KCNQ4: variants seen among roughly 807,000 people sequenced by gnomAD.
KCNQ4 encodes potassium voltage-gated channel subfamily Q member 4.
A neutral mutation model predicts 72.6 loss-of-function variants in KCNQ4; 31 were observed. The ratio of observed to expected loss-of-function variants is 0.43; its 90% CI spans 0.32 to 0.58. The LOEUF is 0.58. Ranked by LOEUF, KCNQ4 falls within the 20% of genes least tolerant of loss-of-function variation. The probability of loss-of-function intolerance (pLI) is 0.08; values close to 1 mark genes in which losing one functional copy is unlikely to be tolerated. For missense variants in KCNQ4, 869 were observed against 962.6 expected, an observed-to-expected ratio of 0.90 and a Z score of 1.29; for synonymous variants, 405 against 403.7, an observed-to-expected ratio of 1.00 and a Z score of -0.04.
At chr1:40,822,273 C>T (rs370579268) in intron 7 of KCNQ4, 41 bp from the exon 8 acceptor site, 63 of 1,493,120 alleles carry the variant, frequency 4.2e-5, no homozygotes, top group Middle Eastern at 3.4e-4. Flanking sequence ...GACTGAGAGG[C>T]CTCACTGATG....
At chr1:40,838,274 T>C (rs1408971254) in intron 13 of KCNQ4, 37 bp from the exon 14 acceptor site, 1 of 1,591,202 alleles carries the variant, frequency 6.3e-7, no homozygotes, top group East Asian at 2.2e-5. Context: ...TCCCCTCCGG[T>C]CCCAGGCCCT....
rs982789748 is a variant in KCNQ4, at chr1:40,813,171, T to G, written c.315-4094T>G. On this transcript the variant is annotated intron_variant, in intron 1 of 13. Transcript: ENST00000347132. ...GAGGCGGGGGTGGAGGCACAGACCT[T>G]GCAGGGCCTTGTTGTCAGTGCCGAG... 1.6e-4 allele frequency among the ~76,000 whole-genome samples: 25 copies of G among 152,180 alleles called. 1 individual carries two copies. Among genetic ancestry groups the G allele is most frequent in the Admixed American group, 1.6e-3 (25 of 15,280 alleles).
intron 1 of KCNQ4, among the ~76,000 whole-genome samples, chr1:40,800,159 G>T (rs1647533061): frequency 6.6e-6 from 1 of 152,158 alleles, no homozygotes; most frequent in Non-Finnish European, 1.5e-5. Context: ...CTCAAGGACG[G>T]CTGTTTGTAG....
At chr1:40,815,750 G>A (rs888213951) in intron 1 of KCNQ4, among the ~76,000 whole-genome samples, 1 of 152,134 alleles carries the variant, frequency 6.6e-6, no homozygotes, top group Non-Finnish European at 1.5e-5. Context: ...AGGTGTAAGT[G>A]AGCCAGGGCA....
chr1:40,784,960 G>A lies in KCNQ4; in HGVS notation c.314+553G>A, dbSNP rs1217966437. On this transcript the variant is annotated intron_variant, in intron 1 of 13. Transcript: ENST00000347132. The surrounding 1 kb of genome is among the most constrained non-coding windows in gnomAD (Gnocchi z 4.1). ...GGTCCCTGTGGGCCCCCTGGGCCCT[G>A]ACACTCGCATATGCTGTGTCCGACT... Among the ~76,000 whole-genome samples the A allele has an allele frequency of 6.6e-6, 1 of 152,176 alleles. No homozygotes were observed. Among genetic ancestry groups the A allele is most frequent in the Non-Finnish European group, 1.5e-5 (1 of 68,026 alleles).
intron 7 of KCNQ4, 51 bp from the exon 8 acceptor site, chr1:40,822,263 G>T: frequency 1.4e-6 from 2 of 1,443,426 alleles, no homozygotes; most frequent in Non-Finnish European, 1.9e-6. Context: ...GGCTGGTGGG[G>T]ACTGAGAGGC....
rs1570827310 is a variant in KCNQ4 at position 40,817,202 on chromosome 1, G to A, written c.315-63G>A. The A allele has an allele frequency of 7.4e-7, 1 of 1,355,704 alleles. No homozygotes were observed. Among genetic ancestry groups the A allele is most frequent in the East Asian group, 2.3e-5 (1 of 43,052 alleles). 84.0% of individuals were successfully genotyped at this position (1,355,704 alleles called of 1,614,324 possible). A position where few individuals can be genotyped will look rare whatever the true frequency, so the allele number is the denominator to read the frequency against. ...CTCTTGGCTCTGTAACCCCCTGCCA[G>A]GGGCACCTTGGCTGTCCTGTCCCTC... On this transcript the variant is annotated intron_variant, in intron 1 of 13. Transcript: ENST00000347132. This position sits in a 1 kb window ranked among gnomAD's most constrained non-coding sequence, Gnocchi z 5.5.
chr1:40,787,695 A>C (rs1647216849), intron 1 of KCNQ4, among the ~76,000 whole-genome samples: 1 of 135,060 alleles, frequency 7.4e-6, no homozygotes, highest in African/African-American at 2.9e-5. Context: ...ACCAAGCTGC[A>C]TCCCCCTCCT....
intron 3 of KCNQ4, 105 bp from the exon 4 acceptor site, chr1:40,818,400 C>T (rs1335179210): frequency 6.5e-7 from 1 of 1,534,698 alleles, no homozygotes; most frequent in Non-Finnish European, 8.9e-7. Context: ...TTCAGCGGAC[C>T]CTCCCCCTCC....
At chr1:40,821,916 T>G (rs1055857546) in intron 7 of KCNQ4, among the ~76,000 whole-genome samples, 1 of 152,186 alleles carries the variant, frequency 6.6e-6, no homozygotes. Context: ...AACTGTTCAT[T>G]TAATCCTCAC....
rs897794480 is a variant in KCNQ4 at position 40,788,197 on chromosome 1, G to A, written c.314+3790G>A. On this transcript the variant is annotated intron_variant, in intron 1 of 13. Coordinates refer to ENST00000347132, the MANE Select transcript of KCNQ4 (RefSeq NM_004700.4). This position sits in a 1 kb window ranked among gnomAD's most constrained non-coding sequence, Gnocchi z 4.5. ...GTCCTCAGAACCCTCAGGCATCCCC[G>A]CTAGGTCAGTCGGTCCTCACATTTT... is the stretch of plus-strand genomic sequence containing the variant. 2.6e-5 allele frequency among the ~76,000 whole-genome samples: 4 copies of A among 152,050 alleles called. No individual in the cohort carries two copies. Among genetic ancestry groups the A allele is most frequent in the African/African-American group, 9.7e-5 (4 of 41,404 alleles).
At chr1:40,826,614 C>G (rs1190248364) in intron 9 of KCNQ4, 1 of 454,538 alleles carries the variant, frequency 2.2e-6, no homozygotes, top group African/African-American at 2.0e-5. Context: ...AACCTCTGTT[C>G]GTGTCTTATT....
chr1:40,791,997 G>GAGAT (rs1647292762), intron 1 of KCNQ4, among the ~76,000 whole-genome samples: 1 of 149,024 alleles, frequency 6.7e-6, no homozygotes, highest in Non-Finnish European at 1.5e-5. Flanking sequence ...AGATGGAGGG[G>GAGAT]AGATGCCTGT....
intron 1 of KCNQ4, among the ~76,000 whole-genome samples, chr1:40,796,927 TAAATAAATAAATA>T (rs1467883148): frequency 4.6e-5 from 7 of 151,362 alleles, no homozygotes; most frequent in Non-Finnish European, 8.8e-5. Flanking sequence ...AATAAATAAA[TAAATAAATAAATA>T]AATAAATAAA....
intron 9 of KCNQ4, among the ~76,000 whole-genome samples, chr1:40,827,302 G>A (rs1377133602): frequency 6.6e-6 from 1 of 152,176 alleles, no homozygotes; most frequent in Non-Finnish European, 1.5e-5. Context: ...TGCAACAAAG[G>A]GAGGAAGCAC....
chr1:40,831,125 C>G lies in KCNQ4; in HGVS notation c.1334C>G (p.Ser445Cys). 4 of 1,609,722 alleles carry G rather than the reference C, an allele frequency of 2.5e-6. No homozygotes were observed. The highest frequency in any genetic ancestry group is 3.4e-6 in the Non-Finnish European group (4 of 1,178,216). ...AAAGACCGCATCCGCATGGGCAGCT[C>G]CCAGCGGCGGACGGGTCCTTCCAAG... is the stretch of plus-strand genomic sequence containing the variant. The part of the protein sequence containing the change: ...GIKDRIRMGS[S>C]QRRTGPSKQH... Residue 445 changes from serine to cysteine, a missense_variant, in exon 10 of 14, where the codon TCC (serine) becomes TGC (cysteine). This residue lies in a region of KCNQ4 where 480 missense variants were observed against 501.9 expected (regional missense o/e 0.96). Transcript: ENST00000347132.
chr1:40,808,823 A>T (rs541663750), intron 1 of KCNQ4, among the ~76,000 whole-genome samples: 2 of 152,226 alleles, frequency 1.3e-5, no homozygotes, highest in African/African-American at 4.8e-5. Flanking sequence ...TGGCTCTCTC[A>T]TCTTAAAAGA....
intron 1 of KCNQ4, among the ~76,000 whole-genome samples, chr1:40,799,470 T>A (rs372135617): frequency 1.4e-4 from 21 of 151,740 alleles, no homozygotes; most frequent in African/African-American, 5.1e-4. Context: ...TGCCGTCGCC[T>A]GGGAGACAAG....
chr1:40,826,589 A>C (rs1368488661), intron 9 of KCNQ4: 1 of 440,800 alleles, frequency 2.3e-6, no homozygotes, highest in Admixed American at 2.4e-5. Flanking sequence ...CTCTGCCCAC[A>C]GCCCCTTTCC....
Sources: gnomAD v4.1 joint callset for allele counts (sites outside exome capture counted in the v4.1 genomes callset) on GRCh38, gnomAD v4.1.1 for gene constraint, gnomAD v4.1.1 regional missense constraint, Gnocchi (gnomAD v3.1) non-coding constraint, MANE v1.5 for transcripts, NCBI Gene and HGNC (gene_info 2026-07-23, HGNC 2026-07-21) for gene names.